Variants in XYLT1 observed in about 807,000 individuals in gnomAD.
XYLT1 encodes the protein xylosyltransferase 1, also known as beta-D-xylosyltransferase 1.
XYLT1 carries 36 observed loss-of-function variants against 91.3 expected under a neutral mutation model. The observed-to-expected ratio is 0.39, with a 90% CI of 0.30 to 0.52. The LOEUF (loss-of-function observed/expected upper bound fraction) is 0.52, where lower values mean the gene tolerates loss of function less well. Among genes scored for constraint, XYLT1 ranks in the 20% least tolerant of loss-of-function variants. XYLT1 has a pLI of 0.68. For missense variants in XYLT1, 1,242 were observed against 1,284.5 expected, an observed-to-expected ratio of 0.97 and a Z score of 0.51; for synonymous variants, 588 against 532.0, an observed-to-expected ratio of 1.11 and a Z score of -1.45.
At chr16:17,372,396 A>G (rs2035546733) in intron 1 of XYLT1, among the ~76,000 whole-genome samples, 1 of 152,224 alleles carries the variant, frequency 6.6e-6, no homozygotes, top group Non-Finnish European at 1.5e-5. Flanking sequence ...GGTACAGTAA[A>G]CTACTCACAT....
intron 2 of XYLT1, among the ~76,000 whole-genome samples, chr16:17,342,465 T>C (rs577202859): frequency 1.3e-5 from 2 of 152,262 alleles, no homozygotes; most frequent in African/African-American, 4.8e-5. Flanking sequence ...CTCATGCCTG[T>C]AATCCCAGCA....
intron 1 of XYLT1, among the ~76,000 whole-genome samples, chr16:17,409,477 G>C (rs943042083): frequency 2.0e-5 from 3 of 151,958 alleles, no homozygotes; most frequent in Non-Finnish European, 4.4e-5. Flanking sequence ...AGAAAAGATG[G>C]GGGTGGCCAC....
At chr16:17,277,889 C>T (rs1302630305) in intron 2 of XYLT1, among the ~76,000 whole-genome samples, 1 of 152,132 alleles carries the variant, frequency 6.6e-6, no homozygotes, top group African/African-American at 2.4e-5. Flanking sequence ...AACTGAGGCT[C>T]ACAGCGGTTA....
chr16:17,293,462 T>C (rs1466641929), intron 2 of XYLT1, among the ~76,000 whole-genome samples: 1 of 151,240 alleles, frequency 6.6e-6, no homozygotes, highest in Non-Finnish European at 1.5e-5. Context: ...GAGGCTTGGG[T>C]AGTTTTTAAC....
At chr16:17,342,703 C>T (rs763949930) in intron 2 of XYLT1, among the ~76,000 whole-genome samples, 1 of 151,622 alleles carries the variant, frequency 6.6e-6, no homozygotes, top group Non-Finnish European at 1.5e-5. Flanking sequence ...GCCTGGGCAA[C>T]AGAGAGAGAC....
At chr16:17,258,853 C>G in intron 3 of XYLT1, 135 bp downstream of exon 3, 1 of 1,125,206 alleles carries the variant, frequency 8.9e-7, no homozygotes, top group Non-Finnish European at 1.2e-6. Flanking sequence ...CACATCAGAT[C>G]TCGTGTGCTC....
chr16:17,244,644 C>T (rs1367354325), intron 3 of XYLT1, among the ~76,000 whole-genome samples: 1 of 152,160 alleles, frequency 6.6e-6, no homozygotes, highest in African/African-American at 2.4e-5. Context: ...CTGGGGCATC[C>T]GTTGTAGGTA....
chr16:17,382,179 G>A (rs1050449125), intron 1 of XYLT1, among the ~76,000 whole-genome samples: 8 of 151,878 alleles, frequency 5.3e-5, no homozygotes, highest in Non-Finnish European at 1.0e-4. Context: ...TGCAAGAAGG[G>A]GCAAATGGAG....
chr16:17,301,980 G>C (rs572535283), intron 2 of XYLT1, among the ~76,000 whole-genome samples: 3 of 152,306 alleles, frequency 2.0e-5, no homozygotes, highest in African/African-American at 4.8e-5. Flanking sequence ...GGGAGGCCAA[G>C]GTGGGCGGAT....
At position 17,127,844 on chromosome 16, in the gene XYLT1, T is replaced by C. The variant is rs1020034084; in HGVS notation, c.2045A>G (p.His682Arg). 2 of 1,613,830 alleles carry C rather than the reference T, an allele frequency of 1.2e-6. No individual in the cohort carries two copies. The highest frequency in any genetic ancestry group is 1.7e-4 in the Middle Eastern group (1 of 6,046). Reference sequence around the variant, plus strand: ...GAAGTAGAGGTGCACAGATGCTGGGTGGCCCATTGGGTAGTATCTGAAAAC... The same window carrying C: ...GAAGTAGAGGTGCACAGATGCTGGGCGGCCCATTGGGTAGTATCTGAAAAC... Reference protein sequence around the residue: ...ENSCRYYPMGHPASVHLYFLA... With the variant: ...ENSCRYYPMGRPASVHLYFLA... Residue 682 changes from histidine (H) to arginine (R), a missense_variant, in exon 10 of 12, where the codon CAC (histidine) becomes CGC (arginine). This residue lies in a region of XYLT1 where 511 missense variants were observed against 497.0 expected (regional missense o/e 1.03). Transcript: ENST00000261381.
intron 2 of XYLT1, among the ~76,000 whole-genome samples, chr16:17,329,278 G>A (rs1277328210): frequency 6.6e-6 from 1 of 152,178 alleles, no homozygotes; most frequent in Non-Finnish European, 1.5e-5. Flanking sequence ...GGACAGGGCA[G>A]GATCTGGATT....
At chr16:17,115,803 A>T (rs1322212524) in intron 11 of XYLT1, among the ~76,000 whole-genome samples, 2 of 121,886 alleles carry the variant, frequency 1.6e-5, no homozygotes, top group Non-Finnish European at 1.6e-5. Context: ...GTTATATTAA[A>T]AAAAAAAAAA....
At chr16:17,302,468 ACTGAGAACAGATCCAC>A (rs2034410346) in intron 2 of XYLT1, among the ~76,000 whole-genome samples, 1 of 152,116 alleles carries the variant, frequency 6.6e-6, no homozygotes, top group African/African-American at 2.4e-5. Context: ...TGAACTGAGC[ACTGAGAACAGATCCAC>A]CTGCCATGAG....
intron 2 of XYLT1, among the ~76,000 whole-genome samples, chr16:17,337,768 A>AATTTTTCTTTT (rs1272127217): frequency 1.7e-4 from 17 of 102,552 alleles, no homozygotes; most frequent in Non-Finnish European, 2.2e-4. Context: ...TCTGTTCCAC[A>AATTTTTCTTTT]TTTTTTCTTT....
chr16:17,187,566 C>CA (rs57130941), intron 5 of XYLT1, among the ~76,000 whole-genome samples: 1,142 of 57,130 alleles, frequency 0.02, 102 homozygotes, highest in African/African-American at 0.059. Context: ...AACGCTGTCT[C>CA]AAAAAAAAAA....
At chr16:17,347,890 G>C (rs1205584223) in intron 2 of XYLT1, among the ~76,000 whole-genome samples, 1 of 152,222 alleles carries the variant, frequency 6.6e-6, no homozygotes, top group Non-Finnish European at 1.5e-5. Flanking sequence ...GGGGCCTGAA[G>C]GGGAGGGAGT....
intron 3 of XYLT1, among the ~76,000 whole-genome samples, chr16:17,234,669 G>T (rs1219928508): frequency 6.7e-6 from 1 of 149,108 alleles, no homozygotes; most frequent in Non-Finnish European, 1.5e-5. Context: ...CCCCATGTGG[G>T]AATCCAGCAA....
chr16:17,122,845 CT>C (rs2030120543), intron 10 of XYLT1, among the ~76,000 whole-genome samples: 1 of 152,302 alleles, frequency 6.6e-6, no homozygotes, highest in South Asian at 2.1e-4. Flanking sequence ...ATAGGGTGTT[CT>C]TTTCCCACTT....
intron 3 of XYLT1, among the ~76,000 whole-genome samples, chr16:17,205,663 G>C (rs527812012): frequency 2.0e-5 from 3 of 152,182 alleles, no homozygotes; most frequent in Non-Finnish European, 4.4e-5. Context: ...AACAGGCCCA[G>C]CTCCAGAGTT....
Sources: allele counts gnomAD v4.1 joint callset (sites outside exome capture counted in the v4.1 genomes callset), GRCh38; gene constraint gnomAD v4.1.1; regional missense constraint gnomAD v4.1.1; transcripts MANE v1.5; gene names NCBI Gene and HGNC (gene_info 2026-07-23, HGNC 2026-07-21).